BCR: variants seen among roughly 807,000 people sequenced by gnomAD.
BCR encodes the protein breakpoint cluster region protein.
In BCR, 58 loss-of-function variants were observed where a neutral mutation model predicts 138.6. That is an observed-to-expected ratio of 0.42 (90% CI 0.34 to 0.52). BCR has a LOEUF of 0.52. Among genes scored for constraint, BCR ranks in the 20% least tolerant of loss-of-function variants. BCR has a pLI of 0.06. For missense variants in BCR, 1,599 were observed against 1,727.2 expected, an observed-to-expected ratio of 0.93 and a Z score of 1.32; for synonymous variants, 786 against 730.1, an observed-to-expected ratio of 1.08 and a Z score of -1.23.
chr22:23,273,001 C>A, intron 6 of BCR, 80 bp from the exon 7 acceptor site: 1 of 1,500,080 alleles, frequency 6.7e-7, no homozygotes, highest in Non-Finnish European at 9.2e-7. Context: ...CCTCCCCACT[C>A]ACCCTTGCAC....
intron 1 of BCR, among the ~76,000 whole-genome samples, chr22:23,216,779 A>T (rs564639164): frequency 6.6e-6 from 1 of 152,310 alleles, no homozygotes; most frequent in South Asian, 2.1e-4. Context: ...CTTGGTAGGG[A>T]CACCGGAAGG....
At chr22:23,245,175 T>A (rs572772931) in intron 1 of BCR, among the ~76,000 whole-genome samples, 1 of 152,272 alleles carries the variant, frequency 6.6e-6, no homozygotes, top group South Asian at 2.1e-4. Context: ...GACTTTCTCC[T>A]CCAAGAAAGC....
In BCR at chr22:23,251,212, G is replaced by A. The variant is rs1316475644; in HGVS notation, c.1280-2587G>A. On this transcript the variant is annotated intron_variant, in intron 1 of 22. Transcript: ENST00000305877. ...GGCCCGGACTTTGCAGCCAGTAGTT[G>A]TGTGCAATCACCTGGGACAGTGCTG... 2.6e-5 allele frequency: 4 copies of A among 152,258 alleles called. No individual in the cohort carries two copies. In the East Asian group the frequency reaches 7.7e-4, roughly 29 times the overall value. 9.4% of individuals were successfully genotyped at this position (152,258 alleles called of 1,614,324 possible). A position where few individuals can be genotyped will look rare whatever the true frequency, so the allele number is the denominator to read the frequency against.
chr22:23,253,788 T>G lies in BCR; in HGVS notation c.1280-11T>G. 6.2e-7 allele frequency: 1 copy of G among 1,606,418 alleles called. No individual in the cohort carries two copies. The highest frequency in any genetic ancestry group is 8.5e-7 in the Non-Finnish European group (1 of 1,175,278). ...CTGTCTCTAACACAGGATGCTTCTT[T>G]GCACACACAGATGGCTCGTTCGGAA... On this transcript the variant is annotated splice_polypyrimidine_tract_variant and intron_variant, in intron 1 of 22. Coordinates refer to ENST00000305877, the MANE Select transcript of BCR (RefSeq NM_004327.4).
At position 23,315,480 on chromosome 22, in the gene BCR, G is replaced by T. The variant is rs180782611; in HGVS notation, c.3774G>T (p.Pro1258=). Residue 1258 remains proline, a synonymous_variant, in exon 23 of 23, where the codon CCG becomes CCT. Transcript: ENST00000305877. ...TGCAGCTGGAGGCCATCCCTGCCCC[G>T]GACAGCAAGAGACAGAGCATCCTGT... The part of the protein sequence containing the change: ...YFLQLEAIPA[P]DSKRQSILFS... 1 of 1,612,862 alleles carries T rather than the reference G, an allele frequency of 6.2e-7. No individual in the cohort carries two copies. Among genetic ancestry groups the T allele is most frequent in the Non-Finnish European group, 8.5e-7 (1 of 1,179,998 alleles).
At chr22:23,271,009 C>T (rs1029402477) in intron 5 of BCR, among the ~76,000 whole-genome samples, 30 of 152,216 alleles carry the variant, frequency 2.0e-4, no homozygotes, top group East Asian at 1.3e-3. Flanking sequence ...GGGTGCTCTT[C>T]GGAACTGGCA....
intron 1 of BCR, among the ~76,000 whole-genome samples, chr22:23,202,721 T>TTGTGTGTGTGTGTG (rs58577462): frequency 0.01 from 1,476 of 142,738 alleles, 26 homozygotes; most frequent in East Asian, 0.079. Flanking sequence ...ATTCAATTGT[T>TTGTGTGTGTGTGTG]TGTGTGTGTG....
intron 1 of BCR, among the ~76,000 whole-genome samples, chr22:23,194,182 C>T (rs75154685): frequency 0.03 from 4,610 of 152,306 alleles, 247 homozygotes; most frequent in African/African-American, 0.11. Flanking sequence ...ATAAATGGAA[C>T]TCATTTATGA....
chr22:23,286,305 G>T (rs2073712243), intron 10 of BCR, among the ~76,000 whole-genome samples: 1 of 152,228 alleles, frequency 6.6e-6, no homozygotes, highest in African/African-American at 2.4e-5. Context: ...GAGGAGGCGG[G>T]TGGCATCAAG....
chr22:23,264,568 A>G (rs936260458), intron 4 of BCR: 26 of 456,484 alleles, frequency 5.7e-5, no homozygotes, highest in Non-Finnish European at 9.2e-5. Flanking sequence ...AACCTGTTGG[A>G]GAGGCAGGAC....
intron 8 of BCR, among the ~76,000 whole-genome samples, chr22:23,281,183 C>T (rs1009026931): frequency 1.3e-5 from 2 of 152,222 alleles, no homozygotes; most frequent in African/African-American, 4.8e-5. Context: ...ACTCCCATGG[C>T]CCCGGGGAGC....
At chr22:23,263,350 C>T (rs2073394739) in intron 4 of BCR, 4 of 1,198,600 alleles carry the variant, frequency 3.3e-6, no homozygotes, top group African/African-American at 3.0e-5. Flanking sequence ...ATAGCCTGGG[C>T]CTCGCTCAAC....
intron 1 of BCR, among the ~76,000 whole-genome samples, chr22:23,242,464 C>T (rs1418739782): frequency 6.6e-6 from 1 of 152,184 alleles, no homozygotes; most frequent in Non-Finnish European, 1.5e-5. Flanking sequence ...AGCTGCAGCT[C>T]GAAGTCAGTG....
At chr22:23,228,175 T>TA (rs1219914939) in intron 1 of BCR, among the ~76,000 whole-genome samples, 4 of 152,176 alleles carry the variant, frequency 2.6e-5, no homozygotes, top group Non-Finnish European at 5.9e-5. Context: ...GTTCATCTTT[T>TA]AAAAAAAATT....
intron 8 of BCR, among the ~76,000 whole-genome samples, chr22:23,274,996 C>T (rs1325863646): frequency 1.3e-5 from 2 of 152,006 alleles, no homozygotes; most frequent in Non-Finnish European, 2.9e-5. Context: ...ACCAAGGACA[C>T]GGGCCCTGTC....
chr22:23,273,012 C>T (rs1286000936), intron 6 of BCR, 69 bp from the exon 7 acceptor site: 26 of 1,552,956 alleles, frequency 1.7e-5, no homozygotes, highest in South Asian at 2.2e-5. Context: ...ACCCTTGCAC[C>T]GAGGGTGGTC....
At chr22:23,279,388 A>G (rs1006592765) in intron 8 of BCR, among the ~76,000 whole-genome samples, 2 of 152,186 alleles carry the variant, frequency 1.3e-5, no homozygotes, top group African/African-American at 4.8e-5. Flanking sequence ...TGCAGTGTAT[A>G]TTGGCCTGCC....
chr22:23,232,242 G>T lies in BCR; in HGVS notation c.1280-21557G>T, dbSNP rs933028170. Among the ~76,000 whole-genome samples, 3 of 152,240 alleles carry T rather than the reference G, an allele frequency of 2.0e-5. No homozygotes were observed. In the East Asian group the frequency reaches 5.8e-4, roughly 29 times the overall value. On this transcript the variant is annotated intron_variant, in intron 1 of 22. Coordinates refer to ENST00000305877, the MANE Select transcript of BCR (RefSeq NM_004327.4). ...ACTGTTCTGGGTGCTGTAAAGCACG[G>T]TGCCTAGCACCTCACAGGGACTCGG...
At chr22:23,278,338 C>T (rs1386156390) in intron 8 of BCR, among the ~76,000 whole-genome samples, 1 of 152,200 alleles carries the variant, frequency 6.6e-6, no homozygotes, top group Non-Finnish European at 1.5e-5. Flanking sequence ...CAGGAAGGCC[C>T]TGGAGGAGGG....
Sources: allele counts gnomAD v4.1 joint callset (sites outside exome capture counted in the v4.1 genomes callset), GRCh38; gene constraint gnomAD v4.1.1; transcripts MANE v1.5; gene names NCBI Gene and HGNC (gene_info 2026-07-23, HGNC 2026-07-21).